The following SPTLC2 variants were observed in gnomAD, a reference collection of about 807,000 sequenced individuals.
The protein encoded by SPTLC2 is serine palmitoyltransferase 2.
A neutral mutation model predicts 62.0 loss-of-function variants in SPTLC2; 21 were observed. The observed-to-expected ratio is 0.34, with a 90% CI of 0.24 to 0.49. The LOEUF is 0.49. Ranked by LOEUF, SPTLC2 falls within the 20% of genes least tolerant of loss-of-function variation. The pLI is 0.99. For missense variants in SPTLC2, 511 were observed against 713.0 expected (o/e 0.72, Z 3.23); for synonymous variants, 261 against 261.8 (o/e 1.00, Z 0.03).
chr14:77,544,265 C>T (rs950582020), intron 9 of SPTLC2, among the ~76,000 whole-genome samples: 6 of 152,122 alleles, frequency 3.9e-5, no homozygotes, highest in Non-Finnish European at 8.8e-5. Flanking sequence ...CAGCTTCAGC[C>T]TCCCAAAATG....
At chr14:77,535,104 T>C (rs2079462498) in intron 9 of SPTLC2, among the ~76,000 whole-genome samples, 1 of 152,158 alleles carries the variant, frequency 6.6e-6, no homozygotes, top group African/African-American at 2.4e-5. Context: ...ATCTTGTATT[T>C]TCAGTAGAGA....
chr14:77,548,682 T>G (rs543644453), intron 9 of SPTLC2, among the ~76,000 whole-genome samples: 2 of 152,218 alleles, frequency 1.3e-5, no homozygotes, highest in Non-Finnish European at 2.9e-5. Flanking sequence ...CCTAGTGAAG[T>G]TGCCTTTCAA....
chr14:77,529,803 A>G (rs1346195891), intron 9 of SPTLC2, among the ~76,000 whole-genome samples: 4 of 151,426 alleles, frequency 2.6e-5, no homozygotes, highest in Non-Finnish European at 5.9e-5. Context: ...TTGTATTTTC[A>G]GTAGAGATGG....
intron 1 of SPTLC2, among the ~76,000 whole-genome samples, chr14:77,613,519 T>C (rs762224464): frequency 6.6e-6 from 1 of 152,250 alleles, no homozygotes; most frequent in Non-Finnish European, 1.5e-5. Flanking sequence ...TAACACAGCA[T>C]CTAGCTCATC....
At chr14:77,525,371 C>A (rs1172179915) in intron 9 of SPTLC2, among the ~76,000 whole-genome samples, 3 of 151,870 alleles carry the variant, frequency 2.0e-5, no homozygotes, top group African/African-American at 4.8e-5. Flanking sequence ...ACAGGCGGAC[C>A]ACCTGAGGTT....
intron 1 of SPTLC2, among the ~76,000 whole-genome samples, chr14:77,610,922 T>TA (rs57081765): frequency 6.7e-6 from 1 of 149,826 alleles, no homozygotes; most frequent in African/African-American, 2.4e-5. Context: ...TATATATTTT[T>TA]ATTTATTTTT....
At chr14:77,542,477 T>C (rs2079506683) in intron 9 of SPTLC2, among the ~76,000 whole-genome samples, 1 of 152,170 alleles carries the variant, frequency 6.6e-6, no homozygotes, top group Non-Finnish European at 1.5e-5. Flanking sequence ...AAGGGAGATT[T>C]ATAAGGGACT....
intron 2 of SPTLC2, among the ~76,000 whole-genome samples, chr14:77,594,798 T>C (rs920133877): frequency 6.6e-6 from 1 of 150,432 alleles, no homozygotes; most frequent in African/African-American, 2.5e-5. Context: ...TACACGTCAA[T>C]TATCAAGTTT....
intron 2 of SPTLC2, among the ~76,000 whole-genome samples, chr14:77,588,003 T>C (rs28729664): frequency 0.22 from 32,827 of 152,052 alleles, 3,735 homozygotes; most frequent in Middle Eastern, 0.35. Flanking sequence ...GGCATGATCA[T>C]AGCTCACTGC....
At chr14:77,570,299 AAC>A (rs2079673845) in intron 5 of SPTLC2, 83 bp downstream of exon 5, 3 of 1,557,362 alleles carry the variant, frequency 1.9e-6, no homozygotes, top group Non-Finnish European at 2.6e-6. Context: ...TAAAGTTTAT[AAC>A]AGCTTTTAGC....
intron 9 of SPTLC2, among the ~76,000 whole-genome samples, chr14:77,546,396 T>A (rs1288818465): frequency 6.6e-6 from 1 of 152,228 alleles, no homozygotes; most frequent in Non-Finnish European, 1.5e-5. Context: ...AAAATTTCAT[T>A]TATATAGAAA....
chr14:77,598,313 TTAAA>T (rs1428768941), intron 1 of SPTLC2, among the ~76,000 whole-genome samples: 1 of 152,102 alleles, frequency 6.6e-6, no homozygotes, highest in Admixed American at 6.5e-5. Context: ...TTTGATTTTC[TTAAA>T]TAGATTCTAA....
intron 2 of SPTLC2, among the ~76,000 whole-genome samples, chr14:77,590,305 G>A (rs770407329): frequency 8.5e-5 from 13 of 152,256 alleles, no homozygotes; most frequent in African/African-American, 2.4e-4. Flanking sequence ...AACATTTACC[G>A]AGCGTCTAAT....
chr14:77,536,237 T>A (rs2140005058), intron 9 of SPTLC2, among the ~76,000 whole-genome samples: 1 of 152,172 alleles, frequency 6.6e-6, no homozygotes, highest in East Asian at 1.9e-4. Flanking sequence ...TGCACAGCAC[T>A]GGATGTATGT....
intron 2 of SPTLC2, among the ~76,000 whole-genome samples, chr14:77,586,300 T>C (rs1166153443): frequency 6.6e-6 from 1 of 152,138 alleles, no homozygotes; most frequent in East Asian, 1.9e-4. Context: ...GGTGTCAAAC[T>C]CCTGACCTCA....
chr14:77,514,852 T>TA (rs1220585662), intron 11 of SPTLC2, among the ~76,000 whole-genome samples: 1 of 152,234 alleles, frequency 6.6e-6, no homozygotes, highest in African/African-American at 2.4e-5. Context: ...TTTCTGACCC[T>TA]ATGATTTGCC....
At chr14:77,562,069 C>A (rs938404408) in intron 6 of SPTLC2, among the ~76,000 whole-genome samples, 1 of 152,162 alleles carries the variant, frequency 6.6e-6, no homozygotes, top group African/African-American at 2.4e-5. Context: ...GTTAACCAGT[C>A]AGAGATCTTG....
chr14:77,553,440 T>G (rs17824742), intron 8 of SPTLC2, among the ~76,000 whole-genome samples: 11,732 of 152,076 alleles, frequency 0.077, 631 homozygotes, highest in Admixed American at 0.15. Flanking sequence ...GATAAAAATC[T>G]ATCAAACCTG....
intron 2 of SPTLC2, among the ~76,000 whole-genome samples, chr14:77,592,804 A>C (rs572334133): frequency 6.6e-6 from 1 of 152,230 alleles, no homozygotes; most frequent in Non-Finnish European, 1.5e-5. Context: ...CTCATCATTT[A>C]GCTCCCACTT....
Sources: gnomAD v4.1 joint callset for allele counts (sites outside exome capture counted in the v4.1 genomes callset) on GRCh38, gnomAD v4.1.1 for gene constraint, MANE v1.5 for transcripts, NCBI Gene and HGNC (gene_info 2026-07-23, HGNC 2026-07-21) for gene names.